LRRIQ3: variants seen among roughly 807,000 people sequenced by gnomAD.
The protein encoded by LRRIQ3 is leucine-rich repeat and IQ domain-containing protein 3.
LRRIQ3 carries 75 observed loss-of-function variants against 59.3 expected under a neutral mutation model. The observed-to-expected ratio is 1.26, with a 90% CI of 1.05 to 1.53. LRRIQ3 has a LOEUF of 1.53. Among genes scored for constraint, LRRIQ3 ranks in the 40% most tolerant of loss-of-function variants. The probability of loss-of-function intolerance (pLI) is 0.00; values close to 1 mark genes in which losing one functional copy is unlikely to be tolerated. For synonymous variants in LRRIQ3, 250 were observed against 231.3 expected (o/e 1.08, Z -0.73); for missense variants, 831 against 710.0 (o/e 1.17, Z -1.94).
chr1:74,175,169 A>G (rs933512274), intron 3 of LRRIQ3, among the ~76,000 whole-genome samples: 4 of 152,098 alleles, frequency 2.6e-5, no homozygotes, highest in African/African-American at 9.7e-5. Flanking sequence ...GATGAGGCCG[A>G]TGGGGTCCAA....
chr1:74,138,304 T>C (rs78481204), intron 4 of LRRIQ3: 2,248 of 165,688 alleles, frequency 0.014, 57 homozygotes, highest in African/African-American at 0.051. Context: ...GACGATCATG[T>C]TTATAGCCAA....
chr1:74,046,127 C>CA, intron 6 of LRRIQ3, among the ~76,000 whole-genome samples: 1 of 152,112 alleles, frequency 6.6e-6, no homozygotes, highest in South Asian at 2.1e-4. Flanking sequence ...CATATGGAAC[C>CA]AAAAAAGAGC....
intron 3 of LRRIQ3, among the ~76,000 whole-genome samples, chr1:74,172,575 A>T (rs1649391692): frequency 6.6e-6 from 1 of 152,074 alleles, no homozygotes; most frequent in Non-Finnish European, 1.5e-5. Flanking sequence ...TTCTGTGTAC[A>T]TGTCTGTTAG....
chr1:74,194,019 T>A (rs960129769), intron 1 of LRRIQ3, among the ~76,000 whole-genome samples: 11 of 152,286 alleles, frequency 7.2e-5, no homozygotes, highest in African/African-American at 2.2e-4. Context: ...TTATATTTTT[T>A]AAATACTTTT....
At chr1:74,165,604 T>C (rs1648933442) in intron 3 of LRRIQ3, among the ~76,000 whole-genome samples, 1 of 151,566 alleles carries the variant, frequency 6.6e-6, no homozygotes. Flanking sequence ...GTACTGGCTA[T>C]TTTCTGGCAC....
intron 6 of LRRIQ3, among the ~76,000 whole-genome samples, chr1:74,066,961 T>A (rs1654883522): frequency 6.6e-6 from 1 of 152,182 alleles, no homozygotes; most frequent in Admixed American, 6.6e-5. Flanking sequence ...TGAGTCAGAA[T>A]TTATTAACCA....
At chr1:74,150,964 A>C (rs1647894879) in intron 4 of LRRIQ3, among the ~76,000 whole-genome samples, 1 of 151,610 alleles carries the variant, frequency 6.6e-6, no homozygotes, top group South Asian at 2.1e-4. Flanking sequence ...AAAATGTGAA[A>C]GTCACAGAAA....
At chr1:74,141,751 CACAA>C (rs1195604247) in intron 4 of LRRIQ3, among the ~76,000 whole-genome samples, 3 of 151,616 alleles carry the variant, frequency 2.0e-5, no homozygotes, top group East Asian at 1.9e-4. Context: ...AAGAAAAAAA[CACAA>C]ACAATATTAT....
intron 4 of LRRIQ3, among the ~76,000 whole-genome samples, chr1:74,133,512 C>A (rs1473653524): frequency 1.3e-5 from 2 of 152,164 alleles, no homozygotes; most frequent in East Asian, 1.9e-4. Flanking sequence ...CACATATACA[C>A]CATGGAATAC....
chr1:74,035,721 A>T (rs972931852), intron 7 of LRRIQ3, among the ~76,000 whole-genome samples: 1 of 152,110 alleles, frequency 6.6e-6, no homozygotes, highest in African/African-American at 2.4e-5. Flanking sequence ...GTCTACTGAG[A>T]CTTAGAGGCT....
intron 4 of LRRIQ3, among the ~76,000 whole-genome samples, chr1:74,112,209 C>T (rs1570134490): frequency 6.6e-6 from 1 of 152,064 alleles, no homozygotes; most frequent in African/African-American, 2.4e-5. Context: ...AGTGATTTTG[C>T]CTAAGGATAA....
chr1:74,194,802 T>A (rs1650995184), intron 1 of LRRIQ3, among the ~76,000 whole-genome samples: 1 of 152,186 alleles, frequency 6.6e-6, no homozygotes, highest in Non-Finnish European at 1.5e-5. Flanking sequence ...AGATTTTGGA[T>A]CTCCTAAAAT....
At chr1:74,140,037 A>G (rs1371515132) in intron 4 of LRRIQ3, among the ~76,000 whole-genome samples, 1 of 151,700 alleles carries the variant, frequency 6.6e-6, no homozygotes, top group Non-Finnish European at 1.5e-5. Flanking sequence ...AACAGGAGAG[A>G]AAAGCAAAAA....
intron 4 of LRRIQ3, among the ~76,000 whole-genome samples, chr1:74,149,054 GTAT>G (rs1647756748): frequency 6.6e-6 from 1 of 152,006 alleles, no homozygotes; most frequent in South Asian, 2.1e-4. Flanking sequence ...TGGTTATAAG[GTAT>G]TATTTTTTCT....
At chr1:74,193,455 CTCA>C (rs779348077) in intron 1 of LRRIQ3, among the ~76,000 whole-genome samples, 57 of 152,194 alleles carry the variant, frequency 3.7e-4, no homozygotes, top group Non-Finnish European at 7.4e-4. Context: ...TCAGTTATAT[CTCA>C]TCTTCACACC....
chr1:74,163,508 A>AT (rs1025540606), intron 3 of LRRIQ3, among the ~76,000 whole-genome samples: 2 of 151,542 alleles, frequency 1.3e-5, no homozygotes, highest in African/African-American at 4.8e-5. Flanking sequence ...TGAAAATATA[A>AT]TTTTTCTATT....
intron 4 of LRRIQ3, among the ~76,000 whole-genome samples, chr1:74,121,864 G>T (rs1646862477): frequency 1.3e-5 from 2 of 151,632 alleles, no homozygotes; most frequent in East Asian, 2.0e-4. Flanking sequence ...ACAGTTTGCT[G>T]AGAATGATGG....
At chr1:74,037,034 A>G (rs892616819) in intron 7 of LRRIQ3, among the ~76,000 whole-genome samples, 3 of 152,234 alleles carry the variant, frequency 2.0e-5, no homozygotes, top group African/African-American at 7.2e-5. Context: ...TTAAGTACAA[A>G]TATGTAAAAA....
chr1:74,080,176 AC>A (rs1240101190), intron 5 of LRRIQ3, among the ~76,000 whole-genome samples: 1 of 151,616 alleles, frequency 6.6e-6, no homozygotes, highest in African/African-American at 2.4e-5. Context: ...CACAAAAAAA[AC>A]CAAAACAGCA....
Sources: allele counts gnomAD v4.1 joint callset (sites outside exome capture counted in the v4.1 genomes callset), GRCh38; gene constraint gnomAD v4.1.1; transcripts MANE v1.5; gene names NCBI Gene and HGNC (gene_info 2026-07-23, HGNC 2026-07-21).